Variants in PPP3CA observed in about 807,000 individuals in gnomAD.
PPP3CA encodes protein phosphatase 3 catalytic subunit alpha.
PPP3CA carries 14 observed loss-of-function variants against 66.5 expected under a neutral mutation model. The observed-to-expected ratio is 0.21, with a 90% CI of 0.14 to 0.33. The LOEUF is 0.33. PPP3CA is among the 10% of genes least tolerant of loss of function. PPP3CA has a pLI of 1.00. For missense variants in PPP3CA, 317 were observed against 639.5 expected, an observed-to-expected ratio of 0.50 and a Z score of 5.44; for synonymous variants, 232 against 226.2, an observed-to-expected ratio of 1.03 and a Z score of -0.23.
Position 101,025,458 on chromosome 4 carries a change from AAT to A in PPP3CA, c.*405_*406del, listed in dbSNP as rs1726588154. ...TTTAGTGCTGCGACTGTAAACGTACAATAGAGTAAGAAATTAGACAAAGTTTT... is the reference window on the plus strand; with the variant it reads ...TTTAGTGCTGCGACTGTAAACGTACAAGAGTAAGAAATTAGACAAAGTTTT... On this transcript the variant is annotated 3_prime_UTR_variant, in exon 14 of 14. Coordinates refer to ENST00000394854, the MANE Select transcript of PPP3CA (RefSeq NM_000944.5). 1.3e-5 allele frequency: 2 copies of A among 155,126 alleles called. No homozygotes were observed. Among genetic ancestry groups the A allele is most frequent in the African/African-American group, 2.4e-5 (1 of 41,602 alleles). The allele number at this position is 155,126 out of a possible 1,614,324, so 9.6% of individuals were successfully genotyped here.
At chr4:101,165,880 T>A (rs1723679179) in intron 2 of PPP3CA, among the ~76,000 whole-genome samples, 2 of 152,106 alleles carry the variant, frequency 1.3e-5, no homozygotes, top group Non-Finnish European at 2.9e-5. Flanking sequence ...TAAATAAGAT[T>A]AGTCTTACCT....
intron 1 of PPP3CA, among the ~76,000 whole-genome samples, chr4:101,263,554 T>C (rs530731734): frequency 6.6e-6 from 1 of 152,190 alleles, no homozygotes; most frequent in East Asian, 1.9e-4. Context: ...TTCTAAATTG[T>C]TTTCCACTGT....
At chr4:101,197,078 T>C (rs1232561187) in intron 1 of PPP3CA, among the ~76,000 whole-genome samples, 2 of 152,224 alleles carry the variant, frequency 1.3e-5, no homozygotes, top group Non-Finnish European at 2.9e-5. Flanking sequence ...ACTAGAAGTA[T>C]CTGGCAAGCA....
chr4:101,298,854 TGTGTGTGTGTGTGTGTGTGTGTG>T, intron 1 of PPP3CA, among the ~76,000 whole-genome samples: 1 of 93,676 alleles, frequency 1.1e-5, no homozygotes, highest in South Asian at 4.6e-4. Context: ...TGTGTGTGTG[TGTGTGTGTGTGTGTGTGTGTGTG>T]TGTGTGTGTA....
chr4:101,273,448 T>C (rs1256864837), intron 1 of PPP3CA, among the ~76,000 whole-genome samples: 1 of 152,178 alleles, frequency 6.6e-6, no homozygotes, highest in Non-Finnish European at 1.5e-5. Context: ...TGCCTCAGCC[T>C]CCCAAGTAGC....
chr4:101,253,740 C>T (rs1029483051), intron 1 of PPP3CA, among the ~76,000 whole-genome samples: 1 of 152,010 alleles, frequency 6.6e-6, no homozygotes, highest in African/African-American at 2.4e-5. Context: ...TTACTCCATC[C>T]TCTACCCCAC....
chr4:101,033,879 C>G (rs6833324), intron 11 of PPP3CA, among the ~76,000 whole-genome samples: 41,167 of 152,008 alleles, frequency 0.27, 6,054 homozygotes, highest in South Asian at 0.41. Context: ...CAAAATACAG[C>G]CTTCTGTGAC....
At chr4:101,225,226 T>C (rs186476464) in intron 1 of PPP3CA, among the ~76,000 whole-genome samples, 2 of 150,100 alleles carry the variant, frequency 1.3e-5, no homozygotes, top group African/African-American at 4.9e-5. Context: ...ATTTATCTTT[T>C]TTCTGTCACT....
At chr4:101,333,683 T>C (rs564288143) in intron 1 of PPP3CA, among the ~76,000 whole-genome samples, 25 of 152,302 alleles carry the variant, frequency 1.6e-4, no homozygotes, top group Non-Finnish European at 3.4e-4. Context: ...GGCATCCATC[T>C]TTATTTTAAA....
chr4:101,329,251 A>T (rs1028540462), intron 1 of PPP3CA, among the ~76,000 whole-genome samples: 8 of 152,170 alleles, frequency 5.3e-5, no homozygotes, highest in East Asian at 1.9e-4. Context: ...TGTGGTCTGG[A>T]TAGATCAAAC....
intron 1 of PPP3CA, among the ~76,000 whole-genome samples, chr4:101,257,837 T>C (rs914076785): frequency 2.0e-5 from 3 of 152,144 alleles, no homozygotes; most frequent in African/African-American, 7.2e-5. Context: ...CTCTCTATCA[T>C]CAATGTGGAC....
intron 1 of PPP3CA, among the ~76,000 whole-genome samples, chr4:101,243,005 T>C (rs1486042821): frequency 6.6e-6 from 1 of 152,158 alleles, no homozygotes; most frequent in Non-Finnish European, 1.5e-5. Context: ...AGTGGAATAT[T>C]ACTGGGTTAA....
At chr4:101,171,757 A>G (rs9995338) in intron 2 of PPP3CA, among the ~76,000 whole-genome samples, 72,692 of 151,748 alleles carry the variant, frequency 0.48, 19,019 homozygotes, top group Middle Eastern at 0.63. Context: ...AGGCATAGGT[A>G]TAAGAGACAT....
At chr4:101,317,876 G>A (rs1728928514) in intron 1 of PPP3CA, among the ~76,000 whole-genome samples, 1 of 152,176 alleles carries the variant, frequency 6.6e-6, no homozygotes, top group South Asian at 2.1e-4. Context: ...TGCGCACTGT[G>A]ACTCAAGTCC....
intron 1 of PPP3CA, among the ~76,000 whole-genome samples, chr4:101,224,754 T>C (rs1000855965): frequency 6.6e-6 from 1 of 151,794 alleles, no homozygotes; most frequent in Non-Finnish European, 1.5e-5. Context: ...AACTGGCCAA[T>C]ACTATAAATA....
chr4:101,204,947 A>G (rs1382455962), intron 1 of PPP3CA, among the ~76,000 whole-genome samples: 2 of 149,830 alleles, frequency 1.3e-5, no homozygotes, highest in African/African-American at 4.9e-5. Flanking sequence ...GTACACCATG[A>G]GGTACCCCAA....
intron 10 of PPP3CA, among the ~76,000 whole-genome samples, chr4:101,042,080 A>T (rs930437482): frequency 6.7e-6 from 1 of 150,180 alleles, no homozygotes; most frequent in Non-Finnish European, 1.5e-5. Context: ...AATCTATTTG[A>T]TTGTGTGGAT....
At chr4:101,052,300 G>A (rs1360262489) in intron 10 of PPP3CA, among the ~76,000 whole-genome samples, 1 of 152,018 alleles carries the variant, frequency 6.6e-6, no homozygotes, top group African/African-American at 2.4e-5. Flanking sequence ...GCTTCAAAAT[G>A]TCAATAGCCC....
chr4:101,167,932 T>C (rs1248744814), intron 2 of PPP3CA, among the ~76,000 whole-genome samples: 2 of 152,048 alleles, frequency 1.3e-5, no homozygotes, highest in Non-Finnish European at 2.9e-5. Flanking sequence ...GCCTTGGAGT[T>C]GAGGTAAAGC....
Sources: gnomAD v4.1 joint callset for allele counts (sites outside exome capture counted in the v4.1 genomes callset) on GRCh38, gnomAD v4.1.1 for gene constraint, MANE v1.5 for transcripts, NCBI Gene and HGNC (gene_info 2026-07-23, HGNC 2026-07-21) for gene names.